SHISA9: variants seen among roughly 807,000 people sequenced by gnomAD.
The protein encoded by SHISA9 is protein shisa-9.
Under a neutral mutation model 38.0 loss-of-function variants are expected in SHISA9, and 13 were observed. The observed-to-expected ratio is 0.34, with a 90% CI of 0.22 to 0.54. The LOEUF is 0.54. Among genes scored for constraint, SHISA9 ranks in the 20% least tolerant of loss-of-function variants. The pLI, the probability that SHISA9 is intolerant of heterozygous loss-of-function variation, is 0.91. For synonymous variants in SHISA9, 275 were observed against 242.0 expected, an observed-to-expected ratio of 1.14 and a Z score of -1.27; for missense variants, 538 against 575.8, an observed-to-expected ratio of 0.93 and a Z score of 0.67.
the SHISA9 span, among the ~76,000 whole-genome samples, chr16:13,384,740 G>C: frequency 6.6e-6 from 1 of 152,198 alleles, no homozygotes; most frequent in African/African-American, 2.4e-5. Context: ...TGATCTGCTA[G>C]ACACAAACAC....
the SHISA9 span, among the ~76,000 whole-genome samples, chr16:13,424,072 C>G: frequency 4.4e-4 from 67 of 152,318 alleles, no homozygotes; most frequent in Middle Eastern, 3.4e-3. Context: ...GAAGCCATAT[C>G]CAATCCCATT....
At chr16:13,044,866 C>G (rs1017586318) in intron 2 of SHISA9, among the ~76,000 whole-genome samples, 1 of 152,226 alleles carries the variant, frequency 6.6e-6, no homozygotes, top group Non-Finnish European at 1.5e-5. Context: ...TGTTTAAAAT[C>G]TCCCATCATA....
chr16:12,925,643 A>C (rs1248868375), intron 2 of SHISA9, among the ~76,000 whole-genome samples: 3 of 152,218 alleles, frequency 2.0e-5, no homozygotes, highest in Non-Finnish European at 2.9e-5. Context: ...ATTTGTAAAG[A>C]AAGCCTAAGT....
intron 2 of SHISA9, among the ~76,000 whole-genome samples, chr16:13,013,704 T>C (rs2072706553): frequency 6.6e-6 from 1 of 152,150 alleles, no homozygotes; most frequent in African/African-American, 2.4e-5. Context: ...TAGAGGTTAA[T>C]GTGGTCAAAC....
intron 2 of SHISA9, among the ~76,000 whole-genome samples, chr16:13,057,671 T>C (rs1375992883): frequency 6.6e-6 from 1 of 152,210 alleles, no homozygotes; most frequent in Non-Finnish European, 1.5e-5. Flanking sequence ...TTATTTAAGT[T>C]CTGCGATACA....
chr16:13,543,882 T>C, the SHISA9 span, among the ~76,000 whole-genome samples: 1 of 152,176 alleles, frequency 6.6e-6, no homozygotes, highest in Non-Finnish European at 1.5e-5. Flanking sequence ...AGATGAAACA[T>C]TATTCAAATA....
intron 2 of SHISA9, among the ~76,000 whole-genome samples, chr16:13,182,667 G>C (rs2050788181): frequency 6.6e-6 from 1 of 152,144 alleles, no homozygotes; most frequent in African/African-American, 2.4e-5. Context: ...GCTGTGTACT[G>C]AACCACTCTA....
intron 2 of SHISA9, among the ~76,000 whole-genome samples, chr16:12,969,569 ACT>A (rs1170237139): frequency 6.6e-6 from 1 of 151,896 alleles, no homozygotes; most frequent in Non-Finnish European, 1.5e-5. Flanking sequence ...ACATGGTGAA[ACT>A]CTGTCTCTAC....
intron 2 of SHISA9, among the ~76,000 whole-genome samples, chr16:13,057,120 T>G (rs1242347840): frequency 1.3e-5 from 2 of 152,168 alleles, no homozygotes; most frequent in Non-Finnish European, 2.9e-5. Flanking sequence ...CTGCTGAGCA[T>G]GTAATGCCCT....
intron 3 of SHISA9, among the ~76,000 whole-genome samples, chr16:13,211,706 A>G (rs999571703): frequency 6.6e-6 from 1 of 152,228 alleles, no homozygotes; most frequent in Non-Finnish European, 1.5e-5. Context: ...CTTATAAATG[A>G]AAATTCATTA....
the SHISA9 span, among the ~76,000 whole-genome samples, chr16:13,291,876 C>G: frequency 6.6e-6 from 1 of 152,102 alleles, no homozygotes; most frequent in East Asian, 1.9e-4. Flanking sequence ...GTGTAGGAGC[C>G]TTTATGAAGA....
intron 2 of SHISA9, among the ~76,000 whole-genome samples, chr16:12,941,405 A>G (rs1223830119): frequency 6.6e-6 from 1 of 152,198 alleles, no homozygotes; most frequent in East Asian, 1.9e-4. Context: ...ATAGTTGCAT[A>G]TATTTGTGGG....
At chr16:13,317,291 T>G in the SHISA9 span, among the ~76,000 whole-genome samples, 7 of 152,166 alleles carry the variant, frequency 4.6e-5, no homozygotes, top group Non-Finnish European at 7.4e-5. Context: ...CAATTCTGAT[T>G]AATTTTCCTA....
At chr16:13,554,587 G>A in the SHISA9 span, among the ~76,000 whole-genome samples, 16 of 150,102 alleles carry the variant, frequency 1.1e-4, no homozygotes, top group African/African-American at 3.9e-4. Flanking sequence ...CGCTTCCCAG[G>A]TTCAAGCAAT....
the SHISA9 span, among the ~76,000 whole-genome samples, chr16:13,487,110 T>C: frequency 6.6e-6 from 1 of 152,228 alleles, no homozygotes; most frequent in Admixed American, 6.5e-5. Flanking sequence ...GGTTTCCACC[T>C]CTTTCTTCAT....
the SHISA9 span, among the ~76,000 whole-genome samples, chr16:13,420,742 C>T: frequency 6.6e-6 from 1 of 152,158 alleles, no homozygotes; most frequent in African/African-American, 2.4e-5. Flanking sequence ...TGGGAGCCCA[C>T]CAACATCCCC....
chr16:13,460,223 T>C, the SHISA9 span, among the ~76,000 whole-genome samples: 1 of 152,158 alleles, frequency 6.6e-6, no homozygotes, highest in Non-Finnish European at 1.5e-5. Context: ...TGGGGGTCTA[T>C]ATGATATACA....
At chr16:13,301,872 A>C in the SHISA9 span, among the ~76,000 whole-genome samples, 4 of 152,180 alleles carry the variant, frequency 2.6e-5, no homozygotes, top group African/African-American at 9.7e-5. Context: ...ATGTCAAACG[A>C]GGCTAATGTT....
At chr16:13,111,352 A>T (rs2073976309) in intron 2 of SHISA9, among the ~76,000 whole-genome samples, 1 of 151,852 alleles carries the variant, frequency 6.6e-6, no homozygotes, top group Non-Finnish European at 1.5e-5. Flanking sequence ...TACAAAAAAA[A>T]AAAAAAACCC....
Sources: allele counts gnomAD v4.1 joint callset (sites outside exome capture counted in the v4.1 genomes callset), GRCh38; gene constraint gnomAD v4.1.1; transcripts MANE v1.5; gene names NCBI Gene and HGNC (gene_info 2026-07-23, HGNC 2026-07-21).